CCNY: variants seen among roughly 807,000 people sequenced by gnomAD.
The protein encoded by CCNY is cyclin-Y.
Under a neutral mutation model 42.8 loss-of-function variants are expected in CCNY, and 19 were observed. The observed-to-expected ratio is 0.44, with a 90% CI of 0.31 to 0.65. The LOEUF (loss-of-function observed/expected upper bound fraction) is 0.65, where lower values mean the gene tolerates loss of function less well. Ranked by LOEUF, CCNY falls within the 30% of genes least tolerant of loss-of-function variation. The pLI is 0.07. For missense variants in CCNY, 370 were observed against 437.3 expected, an observed-to-expected ratio of 0.85 and a Z score of 1.37; for synonymous variants, 165 against 162.7, an observed-to-expected ratio of 1.01 and a Z score of -0.11.
rs150932097 is a variant in CCNY at position 35,338,423 on chromosome 10, A to G, written c.154+1216A>G. ...TACGCGCTTAGTAAATTATGGTTCC[A>G]TATGACGTGTCTAGTGTTGTTATTT... On this transcript the variant is annotated intron_variant, in intron 1 of 9. Transcript: ENST00000374704. 3.1e-3 allele frequency among the ~76,000 whole-genome samples: 466 copies of G among 152,346 alleles called. 4 individuals carry two copies. The highest frequency in any genetic ancestry group is 3.7e-3 in the Non-Finnish European group (255 of 68,036).
chr10:35,332,958 A>G (rs1317935517), upstream of CCNY, among the ~76,000 whole-genome samples: 1 of 152,182 alleles, frequency 6.6e-6, no homozygotes. Context: ...AACAGTGATC[A>G]TGGAGAAAGA....
At chr10:35,381,570 A>C (rs1837185655) in intron 1 of CCNY, among the ~76,000 whole-genome samples, 1 of 150,920 alleles carries the variant, frequency 6.6e-6, no homozygotes, top group Non-Finnish European at 1.5e-5. Flanking sequence ...CGTCTCAAAA[A>C]AAAAAAAAAA....
chr10:35,310,806 A>ATGT, intron 3 of CCNY, among the ~76,000 whole-genome samples: 1 of 152,340 alleles, frequency 6.6e-6, no homozygotes, highest in South Asian at 2.1e-4. Context: ...ATTAGCTAAC[A>ATGT]TCTTAAGTTA....
intron 7 of CCNY, among the ~76,000 whole-genome samples, chr10:35,534,741 C>T (rs118090580): frequency 0.01 from 1,579 of 152,122 alleles, 14 homozygotes; most frequent in South Asian, 0.036. Flanking sequence ...GGCATTCACT[C>T]CTCGTTCTTA....
intron 1 of CCNY, among the ~76,000 whole-genome samples, chr10:35,414,633 C>T (rs1837986187): frequency 6.6e-6 from 1 of 152,178 alleles, no homozygotes. Context: ...GAACCTTAGA[C>T]CTGCCTGCCA....
chr10:35,268,363 ACAACATT>A (rs1786448396), intron 3 of CCNY, among the ~76,000 whole-genome samples: 1 of 152,178 alleles, frequency 6.6e-6, no homozygotes, highest in Non-Finnish European at 1.5e-5. Flanking sequence ...ACAACGACAA[ACAACATT>A]CAATCTTAAG....
intron 4 of CCNY, among the ~76,000 whole-genome samples, chr10:35,520,750 A>G (rs1840530990): frequency 6.6e-6 from 1 of 152,170 alleles, no homozygotes; most frequent in African/African-American, 2.4e-5. Flanking sequence ...CTGTAGACAT[A>G]ATTTTTTATT....
chr10:35,315,158 G>A (rs1043587595), intron 3 of CCNY: 1 of 152,164 alleles, frequency 6.6e-6, no homozygotes, highest in Non-Finnish European at 1.5e-5. Flanking sequence ...TTGTTACACA[G>A]GTAAACTTCT....
chr10:35,514,348 G>A (rs1840385635), intron 3 of CCNY, among the ~76,000 whole-genome samples: 1 of 152,188 alleles, frequency 6.6e-6, no homozygotes, highest in South Asian at 2.1e-4. Flanking sequence ...AAGCTGGGTT[G>A]GCATCCCCCT....
intron 1 of CCNY, among the ~76,000 whole-genome samples, chr10:35,343,459 G>A (rs1017307985): frequency 7.7e-6 from 1 of 129,760 alleles, no homozygotes; most frequent in East Asian, 2.3e-4. Context: ...ATGCCATCTC[G>A]GCTCACTGCA....
rs184879217 is a variant in CCNY, at chr10:35,532,948, G to A, written c.579+2705G>A. Among the ~76,000 whole-genome samples, 27 of 152,336 alleles carry A rather than the reference G, an allele frequency of 1.8e-4. No homozygotes were observed. In the East Asian group the frequency reaches 4.6e-3, roughly 26 times the overall value. On this transcript the variant is annotated intron_variant, in intron 7 of 9. Transcript: ENST00000374704. ...ATATTGGAAGGTCCAGGCAGGTCTC[G>A]CATATCCCTTGTCCTGTAGGTCTGG...
chr10:35,502,638 T>G (rs1235588537), intron 3 of CCNY, among the ~76,000 whole-genome samples: 2 of 152,224 alleles, frequency 1.3e-5, no homozygotes, highest in Non-Finnish European at 2.9e-5. Flanking sequence ...TAGCAGATTC[T>G]TAAAGCAATC....
In CCNY at chr10:35,330,436, C is replaced by T. The variant is rs1356369075; in HGVS notation, c.-9+79810C>T. Among the ~76,000 whole-genome samples the T allele has an allele frequency of 2.0e-5, 3 of 152,176 alleles. No homozygotes were observed. In the East Asian group the frequency reaches 5.8e-4, roughly 29 times the overall value. ...ATAGGGAGCCAAGTACACATGATAG[C>T]CCCACAGGTCTTGGTCACAATACCT... On this transcript the variant is annotated intron_variant, in intron 3 of 11. Coordinates refer to the CCNY transcript ENST00000374706.
intron 3 of CCNY, among the ~76,000 whole-genome samples, chr10:35,262,228 C>T (rs2095720355): frequency 1.5e-5 from 2 of 135,560 alleles, no homozygotes; most frequent in South Asian, 4.8e-4. Context: ...CACCTCTGCA[C>T]TCCCACCTGG....
chr10:35,264,881 G>A (rs2095723633), intron 3 of CCNY, among the ~76,000 whole-genome samples: 1 of 152,134 alleles, frequency 6.6e-6, no homozygotes, highest in South Asian at 2.1e-4. Context: ...CACCCACCTT[G>A]GCTTCCCAAA....
At chr10:35,567,772 T>A (rs1841601383) in intron 9 of CCNY, among the ~76,000 whole-genome samples, 1 of 152,224 alleles carries the variant, frequency 6.6e-6, no homozygotes, top group African/African-American at 2.4e-5. Context: ...ACTGGATGCA[T>A]AGCACTGGTT....
chr10:35,568,732 C>T (rs1274027651), intron 9 of CCNY, among the ~76,000 whole-genome samples: 1 of 152,236 alleles, frequency 6.6e-6, no homozygotes, highest in Non-Finnish European at 1.5e-5. Context: ...CAAAACAGCA[C>T]GCGTGTGGGT....
chr10:35,305,416 C>T (rs1179943889), intron 3 of CCNY, among the ~76,000 whole-genome samples: 1 of 152,174 alleles, frequency 6.6e-6, no homozygotes. Context: ...GTGACAAGAA[C>T]ATGAAATATA....
intron 3 of CCNY, among the ~76,000 whole-genome samples, chr10:35,278,975 C>T (rs1835269189): frequency 6.6e-6 from 1 of 152,130 alleles, no homozygotes; most frequent in South Asian, 2.1e-4. Context: ...GGTAATGCCG[C>T]CCATAGAAAA....
Sources: gnomAD v4.1 joint callset for allele counts (sites outside exome capture counted in the v4.1 genomes callset) on GRCh38, gnomAD v4.1.1 for gene constraint, MANE v1.5 for transcripts, NCBI Gene and HGNC (gene_info 2026-07-23, HGNC 2026-07-21) for gene names.